The following ACAP2 variants were observed in gnomAD, a reference collection of about 807,000 sequenced individuals.
ACAP2 encodes the protein ArfGAP with coiled-coil, ankyrin repeat and PH domains 2, also known as arf-GAP with coiled-coil, ANK repeat and PH domain-containing protein 2.
Under a neutral mutation model 115.8 loss-of-function variants are expected in ACAP2, and 39 were observed. The ratio of observed to expected loss-of-function variants is 0.34; its 90% CI spans 0.26 to 0.44. The LOEUF (loss-of-function observed/expected upper bound fraction) is 0.44. Among genes scored for constraint, ACAP2 ranks in the 20% least tolerant of loss-of-function variants. The pLI, the probability that ACAP2 is intolerant of heterozygous loss-of-function variation, is 1.00. For missense variants in ACAP2, 662 were observed against 927.6 expected (o/e 0.71, Z 3.72); for synonymous variants, 289 against 315.8 (o/e 0.92, Z 0.90).
rs1181609740 is a variant in ACAP2 at position 195,385,028 on chromosome 3, C to A, written c.112-3006G>T. On this transcript the variant is annotated intron_variant, in intron 2 of 22. Coordinates refer to ENST00000326793, the MANE Select transcript of ACAP2 (RefSeq NM_012287.6). ...TCTAAGTGAGACTGAGTGAACTTAACCTCAACAAACTTCCATTTCTTCTTC... is the reference window on the plus strand; with the variant it reads ...TCTAAGTGAGACTGAGTGAACTTAAACTCAACAAACTTCCATTTCTTCTTC... 2.6e-5 allele frequency among the ~76,000 whole-genome samples: 4 copies of A among 152,040 alleles called. No individual in the cohort carries two copies. In the East Asian group the frequency reaches 7.7e-4, roughly 29 times the overall value.
chr3:195,363,758 T>C lies in ACAP2; in HGVS notation c.285+17251A>G, dbSNP rs766120933. 1.1e-4 allele frequency among the ~76,000 whole-genome samples: 17 copies of C among 152,124 alleles called. No individual in the cohort carries two copies. The South Asian group carries it at 1.2e-3, about 11-fold the overall frequency. Reference sequence around the variant, plus strand: ...TAACCAAAGCAGCATGGCACTGGCATAGAAACAGACACACAGACCAAAGGA... The same window carrying C: ...TAACCAAAGCAGCATGGCACTGGCACAGAAACAGACACACAGACCAAAGGA... On this transcript the variant is annotated intron_variant, in intron 4 of 22. Coordinates refer to ENST00000326793, the MANE Select transcript of ACAP2 (RefSeq NM_012287.6).
At chr3:195,355,955 G>T in intron 4 of ACAP2, 1 of 338,990 alleles carries the variant, frequency 2.9e-6, no homozygotes, top group South Asian at 2.3e-5. Flanking sequence ...GAGCAATATG[G>T]CCAAATAGAA....
At chr3:195,397,002 A>G (rs1326188051) in intron 1 of ACAP2, among the ~76,000 whole-genome samples, 1 of 152,176 alleles carries the variant, frequency 6.6e-6, no homozygotes, top group Admixed American at 6.5e-5. Flanking sequence ...ATTCAAGATC[A>G]TTAATAGGCA....
At chr3:195,326,790 A>C (rs1729825568) in intron 9 of ACAP2, 95 bp downstream of exon 9, 1 of 1,073,256 alleles carries the variant, frequency 9.3e-7, no homozygotes, top group South Asian at 1.5e-5. Context: ...AGAACAACTC[A>C]AAAGATTTGT....
chr3:195,306,672 C>G, intron 12 of ACAP2, 56 bp from the exon 13 acceptor site: 1 of 1,214,990 alleles, frequency 8.2e-7, no homozygotes, highest in South Asian at 1.4e-5. Flanking sequence ...CAAAAACACC[C>G]TATAAGCTTT....
intron 2 of ACAP2, among the ~76,000 whole-genome samples, chr3:195,390,234 C>T (rs1265762333): frequency 6.6e-6 from 1 of 152,012 alleles, no homozygotes; most frequent in Admixed American, 6.6e-5. Flanking sequence ...CTGGTTGTGC[C>T]TCTTCTACTT....
At chr3:195,355,397 C>T (rs1466865853) in intron 4 of ACAP2, among the ~76,000 whole-genome samples, 1 of 149,092 alleles carries the variant, frequency 6.7e-6, no homozygotes, top group Non-Finnish European at 1.5e-5. Flanking sequence ...CTACTGGTAT[C>T]TAAGTCTCCA....
At chr3:195,363,950 A>G (rs967072524) in intron 4 of ACAP2, among the ~76,000 whole-genome samples, 6 of 152,242 alleles carry the variant, frequency 3.9e-5, no homozygotes, top group African/African-American at 1.4e-4. Context: ...GCCATATATA[A>G]ATATCAAATC....
At chr3:195,310,847 A>G (rs898319914) in intron 10 of ACAP2, among the ~76,000 whole-genome samples, 2 of 152,168 alleles carry the variant, frequency 1.3e-5, no homozygotes, top group African/African-American at 4.8e-5. Flanking sequence ...GAAAGAAAAT[A>G]TAAACTCTTA....
At chr3:195,434,752 A>G (rs993710944) in intron 1 of ACAP2, among the ~76,000 whole-genome samples, 1 of 152,182 alleles carries the variant, frequency 6.6e-6, no homozygotes, top group African/African-American at 2.4e-5. Flanking sequence ...AACTTTCTGA[A>G]TATCAATTAA....
At chr3:195,380,447 G>A (rs77299479) in intron 4 of ACAP2, among the ~76,000 whole-genome samples, 3,283 of 152,200 alleles carry the variant, frequency 0.022, 57 homozygotes, top group Non-Finnish European at 0.032. Flanking sequence ...CAGCTTATAA[G>A]CTGCCATATT....
At position 195,301,623 on chromosome 3, in the gene ACAP2, T is replaced by C. The variant is rs1728062192; in HGVS notation, c.1347A>G (p.Ser449=). Residue 449 remains serine (S), a synonymous_variant, in exon 15 of 23, where the codon TCA becomes TCG. Coordinates refer to ENST00000326793, the MANE Select transcript of ACAP2 (RefSeq NM_012287.6). ...TGTCTAAAGTTAAAGATCGTACTTT[T>C]GAAAAATGAACCCCAAGGCTCCTAA... ...GIHRSLGVHF[S]KVRSLTLDTW... is the part of the protein sequence containing the mutation. The C allele has an allele frequency of 6.2e-7, 1 of 1,613,474 alleles. No individual in the cohort carries two copies. The highest frequency in any genetic ancestry group is 8.5e-7 in the Non-Finnish European group (1 of 1,179,858).
intron 1 of ACAP2, among the ~76,000 whole-genome samples, chr3:195,397,876 A>G (rs1423019346): frequency 6.6e-6 from 1 of 152,340 alleles, no homozygotes; most frequent in East Asian, 1.9e-4. Context: ...AAGCAGTAAT[A>G]AGATCATCAC....
At chr3:195,299,844 AAG>A (rs1727913633) in intron 15 of ACAP2, among the ~76,000 whole-genome samples, 1 of 152,178 alleles carries the variant, frequency 6.6e-6, no homozygotes, top group Admixed American at 6.5e-5. Flanking sequence ...TCTCAAAAAA[AAG>A]AGAGAATTTG....
chr3:195,325,413 G>A (rs1364620938), intron 9 of ACAP2: 3 of 353,894 alleles, frequency 8.5e-6, no homozygotes, highest in Non-Finnish European at 1.6e-5. Context: ...TTAGTGGACT[G>A]ATTTTTTTTT....
rs79748295 is a variant in ACAP2, at chr3:195,342,618, G to A, written c.381C>T (p.Phe127=). The A allele has an allele frequency of 0.023, 36,936 of 1,603,106 alleles. 1,183 individuals carry two copies. Among genetic ancestry groups the A allele is most frequent in the Admixed American group, 0.095 (5,442 of 57,262 alleles). ...LRKFKDAKKQ[F]EKVSEEKENA... is the part of the protein sequence containing the mutation. ...TTTCTTTTTCTTCACTGACTTTTTC[G>A]AATTGCTTCTTGGCATCTTTGAATT... is the stretch of plus-strand genomic sequence containing the variant. Residue 127 remains phenylalanine, a synonymous_variant, in exon 6 of 23, where the codon TTC becomes TTT. Coordinates refer to ENST00000326793, the MANE Select transcript of ACAP2 (RefSeq NM_012287.6).
rs10540801 is a variant in ACAP2 at position 195,369,094 on chromosome 3, C to CA, written c.285+11914dup. Among the ~76,000 whole-genome samples the CA allele has an allele frequency of 2.8e-3, 312 of 111,440 alleles. 1 individual carries two copies. Among genetic ancestry groups the CA allele is most frequent in the Non-Finnish European group, 2.9e-3 (138 of 48,280 alleles). 73.1% of individuals were successfully genotyped at this position (111,440 alleles called of 152,430 possible). On this transcript the variant is annotated intron_variant, in intron 4 of 22. Transcript: ENST00000326793. ...AGCAGAACTATGTCTCAAAAACAAA[C>CA]AAAAAAAAAAAAAAGAGGAAGAAAT...
At chr3:195,382,054 A>T in intron 2 of ACAP2, 32 bp from the exon 3 acceptor site, 3 of 1,593,274 alleles carry the variant, frequency 1.9e-6, no homozygotes, top group Non-Finnish European at 2.6e-6. Context: ...CATCAGGTTG[A>T]AGATAGTTTT....
chr3:195,301,956 G>C lies in ACAP2; in HGVS notation c.1325+10C>G, dbSNP rs765317884. ...AAGAAGAAATTCTCATCCTGGGCAG[G>C]CCTACCCACCGGTGAATTCCGGAGC... On this transcript the variant is annotated intron_variant, in intron 14 of 22. Coordinates refer to ENST00000326793, the MANE Select transcript of ACAP2 (RefSeq NM_012287.6). 6.2e-7 allele frequency: 1 copy of C among 1,611,110 alleles called. No individual in the cohort carries two copies.
Sources: allele counts gnomAD v4.1 joint callset (sites outside exome capture counted in the v4.1 genomes callset), GRCh38; gene constraint gnomAD v4.1.1; transcripts MANE v1.5; gene names NCBI Gene and HGNC (gene_info 2026-07-23, HGNC 2026-07-21).